PCDH9: variants seen among roughly 807,000 people sequenced by gnomAD.
PCDH9 encodes protocadherin 9.
PCDH9 carries 24 observed loss-of-function variants against 70.6 expected under a neutral mutation model. The observed-to-expected ratio is 0.34, with a 90% CI of 0.25 to 0.48. The LOEUF is 0.48. Ranked by LOEUF, PCDH9 falls within the 20% of genes least tolerant of loss-of-function variation. The probability of loss-of-function intolerance (pLI) is 0.99; values close to 1 mark genes in which losing one functional copy is unlikely to be tolerated. For missense variants in PCDH9, 1,281 were observed against 1,503.6 expected (o/e 0.85, Z 2.45); for synonymous variants, 562 against 558.5 (o/e 1.01, Z -0.09).
chr13:66,906,515 C>T (rs2082363112), intron 2 of PCDH9, among the ~76,000 whole-genome samples: 1 of 152,070 alleles, frequency 6.6e-6, no homozygotes, highest in Admixed American at 6.6e-5. Context: ...TGCAACATAA[C>T]AAAATGAGCG....
At chr13:66,573,530 T>C (rs544610606) in intron 4 of PCDH9, among the ~76,000 whole-genome samples, 1 of 152,310 alleles carries the variant, frequency 6.6e-6, no homozygotes, top group South Asian at 2.1e-4. Flanking sequence ...TTGTTACCTA[T>C]GTGAGTTTCT....
At chr13:66,755,090 G>A (rs1165226385) in intron 3 of PCDH9, among the ~76,000 whole-genome samples, 2 of 152,046 alleles carry the variant, frequency 1.3e-5, no homozygotes, top group Non-Finnish European at 2.9e-5. Flanking sequence ...AAATAACCCT[G>A]AAAACTGCAA....
At chr13:66,928,854 G>A (rs546473885) in intron 2 of PCDH9, among the ~76,000 whole-genome samples, 4 of 133,774 alleles carry the variant, frequency 3.0e-5, no homozygotes, top group East Asian at 4.5e-4. Flanking sequence ...CAGACATAAC[G>A]AGGGAAAAAA....
At chr13:66,343,591 C>T (rs772509726) in intron 4 of PCDH9, among the ~76,000 whole-genome samples, 4 of 152,174 alleles carry the variant, frequency 2.6e-5, no homozygotes, top group Non-Finnish European at 5.9e-5. Flanking sequence ...TCTGACTTCC[C>T]CTTTTATCCT....
intron 4 of PCDH9, among the ~76,000 whole-genome samples, chr13:66,446,679 T>A (rs1352524845): frequency 6.6e-6 from 1 of 152,084 alleles, no homozygotes; most frequent in Admixed American, 6.6e-5. Flanking sequence ...AGAAATCATA[T>A]GTTCATATTA....
chr13:67,020,771 A>G (rs1476395794), intron 2 of PCDH9, among the ~76,000 whole-genome samples: 1 of 152,196 alleles, frequency 6.6e-6, no homozygotes, highest in Admixed American at 6.5e-5. Flanking sequence ...TCATCATCAT[A>G]ACACCAGTAA....
chr13:66,848,761 T>C (rs1365662346), intron 3 of PCDH9, among the ~76,000 whole-genome samples: 1 of 151,828 alleles, frequency 6.6e-6, no homozygotes, highest in Admixed American at 6.6e-5. Flanking sequence ...ACCCCGTCTC[T>C]ATTAAAAATA....
intron 4 of PCDH9, among the ~76,000 whole-genome samples, chr13:66,499,357 T>C (rs1482333972): frequency 6.6e-6 from 1 of 152,208 alleles, no homozygotes; most frequent in African/African-American, 2.4e-5. Flanking sequence ...ACTTGGACAT[T>C]AATGAATGAA....
intron 2 of PCDH9, among the ~76,000 whole-genome samples, chr13:66,987,964 T>C (rs1488084046): frequency 6.6e-6 from 1 of 151,890 alleles, no homozygotes; most frequent in Non-Finnish European, 1.5e-5. Flanking sequence ...AGTGCTAGAA[T>C]TATAGCTTAT....
At chr13:66,784,431 T>G (rs1237188263) in intron 3 of PCDH9, among the ~76,000 whole-genome samples, 1 of 152,184 alleles carries the variant, frequency 6.6e-6, no homozygotes, top group African/African-American at 2.4e-5. Context: ...GAAAGCCATG[T>G]TCCAAGACAT....
At chr13:67,091,773 T>C (rs1444805153) in intron 2 of PCDH9, among the ~76,000 whole-genome samples, 1 of 152,198 alleles carries the variant, frequency 6.6e-6, no homozygotes, top group Non-Finnish European at 1.5e-5. Flanking sequence ...TAATTTACTG[T>C]TAATAGTTCC....
At chr13:66,387,967 C>T (rs983093025) in intron 4 of PCDH9, among the ~76,000 whole-genome samples, 1 of 152,066 alleles carries the variant, frequency 6.6e-6, no homozygotes, top group African/African-American at 2.4e-5. Context: ...CTCTTTCTCC[C>T]AAGCTAATAT....
chr13:66,394,923 A>G lies in PCDH9; in HGVS notation c.3341-89895T>C, dbSNP rs535662373. Among the ~76,000 whole-genome samples the G allele has an allele frequency of 3.9e-5, 6 of 152,342 alleles. No individual in the cohort carries two copies. The East Asian group carries it at 1.2e-3, about 29-fold the overall frequency. On this transcript the variant is annotated intron_variant, in intron 4 of 4. Coordinates refer to ENST00000377865, the MANE Select transcript of PCDH9 (RefSeq NM_203487.3). ...ATGAAAACAAATTATTGTGATGTAT[A>G]TTAATGATAAGATGGGAGTATATAT...
intron 3 of PCDH9, among the ~76,000 whole-genome samples, chr13:66,632,866 A>C (rs1038268173): frequency 2.6e-5 from 4 of 151,956 alleles, no homozygotes; most frequent in African/African-American, 9.7e-5. Context: ...ATATATTAAA[A>C]AATATATAAT....
At chr13:66,884,628 C>T (rs938777773) in intron 3 of PCDH9, among the ~76,000 whole-genome samples, 3 of 152,102 alleles carry the variant, frequency 2.0e-5, no homozygotes, top group Non-Finnish European at 4.4e-5. Flanking sequence ...AGCTAACATA[C>T]TGACAGTTGG....
chr13:66,748,359 T>C (rs182938389), intron 3 of PCDH9, among the ~76,000 whole-genome samples: 4 of 152,360 alleles, frequency 2.6e-5, no homozygotes, highest in Admixed American at 2.6e-4. Context: ...GTCTGATTCA[T>C]TCTTGAAGCA....
intron 4 of PCDH9, among the ~76,000 whole-genome samples, chr13:66,490,249 C>T (rs182958345): frequency 6.6e-6 from 1 of 152,304 alleles, no homozygotes; most frequent in East Asian, 1.9e-4. Context: ...GCCACCAGTG[C>T]CATTAAGGCC....
chr13:66,981,987 C>T (rs73211134), intron 2 of PCDH9, among the ~76,000 whole-genome samples: 15,207 of 152,090 alleles, frequency 0.1, 985 homozygotes, highest in Admixed American at 0.17. Context: ...ATTGTAATCA[C>T]CAATGCTGGA....
At chr13:66,653,472 C>T (rs1000268150) in intron 3 of PCDH9, among the ~76,000 whole-genome samples, 5 of 151,884 alleles carry the variant, frequency 3.3e-5, no homozygotes, top group Admixed American at 1.3e-4. Flanking sequence ...TATCATCTCA[C>T]CCCAGTTAAA....
Sources: allele counts gnomAD v4.1 joint callset (sites outside exome capture counted in the v4.1 genomes callset), GRCh38; gene constraint gnomAD v4.1.1; transcripts MANE v1.5; gene names NCBI Gene and HGNC (gene_info 2026-07-23, HGNC 2026-07-21).